CTNNA2: variants seen among roughly 807,000 people sequenced by gnomAD.
The protein encoded by CTNNA2 is catenin alpha-2.
A neutral mutation model predicts 101.0 loss-of-function variants in CTNNA2; 42 were observed. The observed-to-expected ratio is 0.42, with a 90% confidence interval of 0.32 to 0.54. CTNNA2 has a LOEUF of 0.54. Ranked by LOEUF, CTNNA2 falls within the 20% of genes least tolerant of loss-of-function variation. The pLI is 0.14. For synonymous variants in CTNNA2, 450 were observed against 456.4 expected, an observed-to-expected ratio of 0.99 and a Z score of 0.18; for missense variants, 871 against 1,223.1, an observed-to-expected ratio of 0.71 and a Z score of 4.29.
At chr2:79,557,352 G>A (rs760074628) in intron 1 of CTNNA2, among the ~76,000 whole-genome samples, 3 of 151,882 alleles carry the variant, frequency 2.0e-5, no homozygotes, top group African/African-American at 4.8e-5. Flanking sequence ...AACAGAATGT[G>A]ATGAGTGAGC....
At chr2:80,290,344 C>A (rs1675128140) in intron 7 of CTNNA2, among the ~76,000 whole-genome samples, 1 of 152,044 alleles carries the variant, frequency 6.6e-6, no homozygotes, top group African/African-American at 2.4e-5. Flanking sequence ...AGTCTCAGTC[C>A]TGGTTTTGAA....
intron 2 of CTNNA2, among the ~76,000 whole-genome samples, chr2:79,227,660 G>A (rs1304829924): frequency 6.6e-6 from 1 of 152,058 alleles, no homozygotes; most frequent in Non-Finnish European, 1.5e-5. Flanking sequence ...GTGTGAAATA[G>A]CATTATGTCT....
chr2:80,114,535 T>C (rs955839770), intron 7 of CTNNA2, among the ~76,000 whole-genome samples: 7 of 152,166 alleles, frequency 4.6e-5, no homozygotes, highest in Admixed American at 3.3e-4. Context: ...CAAAAGACTT[T>C]CCATATTTGG....
chr2:80,320,259 T>C (rs1678548156), intron 7 of CTNNA2, among the ~76,000 whole-genome samples: 2 of 152,216 alleles, frequency 1.3e-5, no homozygotes, highest in African/African-American at 2.4e-5. Context: ...ATTGTTTTTG[T>C]CACTTTTGTA....
chr2:79,440,036 G>A (rs1678760246), intron 4 of CTNNA2, among the ~76,000 whole-genome samples: 1 of 152,002 alleles, frequency 6.6e-6, no homozygotes, highest in South Asian at 2.1e-4. Flanking sequence ...AAAGAAGTAA[G>A]CCTCATAGCT....
intron 2 of CTNNA2, among the ~76,000 whole-genome samples, chr2:79,705,487 CAT>C (rs1168177036): frequency 6.6e-6 from 1 of 151,968 alleles, no homozygotes; most frequent in Non-Finnish European, 1.5e-5. Flanking sequence ...CAGTATTATC[CAT>C]GGTTTCAGGT....
At position 80,126,588 on chromosome 2, in the gene CTNNA2, CT is replaced by C. The variant is rs1421127925; in HGVS notation, c.1056+216792del. On this transcript the variant is annotated intron_variant, in intron 7 of 18. Transcript: ENST00000402739. ...CCATTCTGCTTTGCCCTTTCTTTCC[CT>C]CCCTCCCTCCCTCCCTCCCTCCCTC... Among the ~76,000 whole-genome samples the C allele has an allele frequency of 2.5e-4, 5 of 19,962 alleles. No homozygotes were observed. The East Asian group carries it at 4.3e-3, about 17-fold the overall frequency. 13.1% of individuals were successfully genotyped at this position (19,962 alleles called of 152,430 possible).
chr2:79,817,526 A>C (rs1168279723), intron 3 of CTNNA2, among the ~76,000 whole-genome samples: 1 of 151,776 alleles, frequency 6.6e-6, no homozygotes, highest in East Asian at 1.9e-4. Context: ...ACCACATTGA[A>C]CCATGTGTTG....
intron 2 of CTNNA2, among the ~76,000 whole-genome samples, chr2:79,214,981 G>A (rs1674230262): frequency 6.6e-6 from 1 of 152,086 alleles, no homozygotes; most frequent in African/African-American, 2.4e-5. Context: ...TATTGATTAA[G>A]AAGGGGACGG....
intron 4 of CTNNA2, among the ~76,000 whole-genome samples, chr2:79,485,518 T>C (rs1042290531): frequency 6.6e-6 from 1 of 152,358 alleles, no homozygotes; most frequent in African/African-American, 2.4e-5. Context: ...TCTCATTTTA[T>C]TTCATCATTC....
intron 3 of CTNNA2, among the ~76,000 whole-genome samples, chr2:79,773,211 A>G (rs900717407): frequency 6.6e-6 from 1 of 152,226 alleles, no homozygotes; most frequent in Non-Finnish European, 1.5e-5. Flanking sequence ...CAGGAACCCA[A>G]TCTGAATTAA....
intron 7 of CTNNA2, among the ~76,000 whole-genome samples, chr2:79,942,518 C>G (rs551063418): frequency 6.6e-6 from 1 of 152,144 alleles, no homozygotes; most frequent in African/African-American, 2.4e-5. Context: ...TAAAATATAG[C>G]GAGCCCTGAA....
intron 7 of CTNNA2, among the ~76,000 whole-genome samples, chr2:80,335,847 G>T (rs1269451891): frequency 6.6e-6 from 1 of 152,074 alleles, no homozygotes; most frequent in African/African-American, 2.4e-5. Context: ...ACACAAAAAT[G>T]CATTTGAGAT....
intron 4 of CTNNA2, among the ~76,000 whole-genome samples, chr2:79,439,858 G>A (rs1678758197): frequency 6.6e-6 from 1 of 152,132 alleles, no homozygotes; most frequent in Non-Finnish European, 1.5e-5. Flanking sequence ...AGCTCTCTTG[G>A]TAATTTGGAT....
In CTNNA2 at chr2:80,604,087, T is replaced by C. The variant is rs1245162663; in HGVS notation, c.2203T>C (p.Leu735=). ...ATGTTGTTTCAGAGGCAAAGGCCCA[T>C]TGAAAAATACATCTGATGTCATTAA... The part of the protein sequence containing the change: ...MTDFTRGKGP[L]KNTSDVINAA... Residue 735 remains leucine, a synonymous_variant, in exon 16 of 19, where the codon TTG becomes CTG. Coordinates refer to ENST00000402739, the MANE Select transcript of CTNNA2 (RefSeq NM_001282597.3). The C allele has an allele frequency of 1.9e-6, 3 of 1,612,780 alleles. No homozygotes were observed. The highest frequency in any genetic ancestry group is 2.2e-5 in the East Asian group (1 of 44,820).
intron 7 of CTNNA2, among the ~76,000 whole-genome samples, chr2:80,094,063 G>C (rs967154873): frequency 3.3e-5 from 5 of 152,176 alleles, no homozygotes; most frequent in Non-Finnish European, 5.9e-5. Context: ...TGGTGTTTTA[G>C]ACATGAAGTC....
At chr2:80,623,296 T>C (rs866505210) in intron 18 of CTNNA2, among the ~76,000 whole-genome samples, 4 of 151,890 alleles carry the variant, frequency 2.6e-5, no homozygotes, top group Middle Eastern at 3.2e-3. Context: ...CTAGTAACTA[T>C]GATGATAGTA....
intron 3 of CTNNA2, among the ~76,000 whole-genome samples, chr2:79,774,334 G>T (rs567373706): frequency 1.6e-4 from 24 of 152,274 alleles, no homozygotes; most frequent in African/African-American, 5.8e-4. Flanking sequence ...TTCTAGCCTA[G>T]CTGACCCTGT....
At chr2:79,750,327 C>T (rs1671934923) in intron 3 of CTNNA2, among the ~76,000 whole-genome samples, 2 of 152,148 alleles carry the variant, frequency 1.3e-5, no homozygotes, top group South Asian at 4.1e-4. Flanking sequence ...ATGTCCAGGC[C>T]TCACCCCTCT....
Sources: gnomAD v4.1 joint callset for allele counts (sites outside exome capture counted in the v4.1 genomes callset) on GRCh38, gnomAD v4.1.1 for gene constraint, MANE v1.5 for transcripts, NCBI Gene and HGNC (gene_info 2026-07-23, HGNC 2026-07-21) for gene names.